Variants in KCNH5 observed in about 807,000 individuals in gnomAD.
KCNH5 encodes voltage-gated delayed rectifier potassium channel KCNH5.
Under a neutral mutation model 96.1 loss-of-function variants are expected in KCNH5, and 46 were observed. That is an observed-to-expected ratio of 0.48 (90% CI 0.38 to 0.61). The LOEUF (loss-of-function observed/expected upper bound fraction) is 0.61, where lower values mean the gene tolerates loss of function less well. Ranked by LOEUF, KCNH5 falls within the 20% of genes least tolerant of loss-of-function variation. The probability of loss-of-function intolerance (pLI) is 0.00; values close to 1 mark genes in which losing one functional copy is unlikely to be tolerated. For synonymous variants in KCNH5, 439 were observed against 449.8 expected (o/e 0.98, Z 0.30); for missense variants, 907 against 1,225.8 (o/e 0.74, Z 3.88).
chr14:62,712,703 A>G (rs1884597872), intron 10 of KCNH5: 7 of 779,102 alleles, frequency 9.0e-6, no homozygotes, highest in Non-Finnish European at 1.7e-5. Flanking sequence ...AGCGTTTGCC[A>G]TGGAGAACCA....
chr14:62,766,632 A>G (rs999995949), intron 10 of KCNH5, among the ~76,000 whole-genome samples: 2 of 152,148 alleles, frequency 1.3e-5, no homozygotes, highest in African/African-American at 4.8e-5. Flanking sequence ...AAAAATCAAA[A>G]TAATTGAACT....
chr14:62,771,512 C>G (rs1444121932), intron 10 of KCNH5, among the ~76,000 whole-genome samples: 1 of 152,058 alleles, frequency 6.6e-6, no homozygotes, highest in Non-Finnish European at 1.5e-5. Context: ...GTAGTCCCAG[C>G]TACTCGGGAG....
intron 3 of KCNH5, among the ~76,000 whole-genome samples, chr14:63,003,507 A>T (rs59253460): frequency 0.11 from 12,713 of 116,152 alleles, 922 homozygotes; most frequent in East Asian, 0.41. Flanking sequence ...TATATATTTT[A>T]TATATATTTT....
chr14:62,949,079 A>G (rs1889950125), intron 7 of KCNH5, among the ~76,000 whole-genome samples: 1 of 151,798 alleles, frequency 6.6e-6, no homozygotes, highest in Non-Finnish European at 1.5e-5. Flanking sequence ...AACTGGAAGC[A>G]TTCCCTTTGA....
chr14:62,805,097 A>T (rs1257430206), intron 8 of KCNH5, among the ~76,000 whole-genome samples: 1 of 152,156 alleles, frequency 6.6e-6, no homozygotes, highest in East Asian at 1.9e-4. Flanking sequence ...ATACATACAC[A>T]CATACACAAA....
chr14:62,849,600 A>C (rs1887764227), intron 8 of KCNH5, 53 bp downstream of exon 8: 2 of 1,451,182 alleles, frequency 1.4e-6, no homozygotes, highest in Admixed American at 1.7e-5. Context: ...AGCTTAATGC[A>C]TCTGAAGATC....
In KCNH5 at chr14:62,972,155, T is replaced by TA. The variant is rs202107350; in HGVS notation, c.942+8716dup. 8.9e-4 allele frequency among the ~76,000 whole-genome samples: 136 copies of TA among 152,058 alleles called. 1 individual carries two copies. In the East Asian group the frequency reaches 0.023, roughly 26 times the overall value. On this transcript the variant is annotated intron_variant, in intron 6 of 10. Coordinates refer to ENST00000322893, the MANE Select transcript of KCNH5 (RefSeq NM_139318.5). ...TAAAAAGAACTCTTAAAACAACAAT[T>TA]AAAAAAATGCACAAAAGATCTGAAC... is the stretch of plus-strand genomic sequence containing the variant.
chr14:62,793,273 T>C (rs1171936648), intron 9 of KCNH5, among the ~76,000 whole-genome samples: 1 of 151,786 alleles, frequency 6.6e-6, no homozygotes, highest in Non-Finnish European at 1.5e-5. Context: ...CTTCAAAATT[T>C]GTTAAGAGGG....
At chr14:62,709,101 C>A (rs533851673) in intron 10 of KCNH5, among the ~76,000 whole-genome samples, 3 of 151,174 alleles carry the variant, frequency 2.0e-5, no homozygotes, top group Admixed American at 2.0e-4. Flanking sequence ...GGCGCAGTGG[C>A]GGGCGCCTGT....
chr14:62,970,870 C>CA (rs142010258), intron 6 of KCNH5, among the ~76,000 whole-genome samples: 29,515 of 148,752 alleles, frequency 0.2, 3,201 homozygotes, highest in Non-Finnish European at 0.25. Context: ...GAACATCTAC[C>CA]AAAAAAAAGA....
At chr14:62,753,544 T>C (rs1191490233) in intron 10 of KCNH5, among the ~76,000 whole-genome samples, 1 of 152,056 alleles carries the variant, frequency 6.6e-6, no homozygotes, top group East Asian at 1.9e-4. Flanking sequence ...ATGCATTTAA[T>C]AATCAAACTC....
intron 1 of KCNH5, among the ~76,000 whole-genome samples, chr14:63,026,740 C>G (rs1209559152): frequency 6.6e-6 from 1 of 151,960 alleles, no homozygotes; most frequent in Non-Finnish European, 1.5e-5. Flanking sequence ...GGGAACTCTT[C>G]TACACTGCTG....
intron 2 of KCNH5, among the ~76,000 whole-genome samples, chr14:63,014,842 C>T (rs1891294996): frequency 6.6e-6 from 1 of 152,044 alleles, no homozygotes; most frequent in South Asian, 2.1e-4. Flanking sequence ...GGGATGTCAG[C>T]AGTCCAAGAA....
chr14:62,942,310 T>A (rs1394020209), intron 7 of KCNH5, among the ~76,000 whole-genome samples: 1 of 152,112 alleles, frequency 6.6e-6, no homozygotes, highest in Non-Finnish European at 1.5e-5. Flanking sequence ...AAAAAATAAA[T>A]AAAGCTCAGA....
intron 6 of KCNH5, among the ~76,000 whole-genome samples, chr14:62,979,866 C>A (rs1890572966): frequency 6.6e-6 from 1 of 152,124 alleles, no homozygotes; most frequent in Non-Finnish European, 1.5e-5. Flanking sequence ...AGAAGCAGAG[C>A]CTTACATGAG....
At chr14:62,937,927 G>C (rs896777754) in intron 7 of KCNH5, among the ~76,000 whole-genome samples, 9 of 152,114 alleles carry the variant, frequency 5.9e-5, no homozygotes, top group African/African-American at 1.9e-4. Flanking sequence ...CCTATGAAGG[G>C]ACCGTTTGGA....
intron 1 of KCNH5, among the ~76,000 whole-genome samples, chr14:63,023,741 A>C (rs562349912): frequency 4.5e-4 from 68 of 152,332 alleles, no homozygotes; most frequent in Non-Finnish European, 9.0e-4. Flanking sequence ...AGTAGGTCTT[A>C]ACAAATTTAA....
chr14:62,840,829 G>A (rs1400687665), intron 8 of KCNH5, among the ~76,000 whole-genome samples: 1 of 151,818 alleles, frequency 6.6e-6, no homozygotes, highest in African/African-American at 2.4e-5. Context: ...ACCTCCCCAG[G>A]TGCTAGGATT....
At chr14:62,846,789 CTTTTTTTTTTTTT>C (rs766919022) in intron 8 of KCNH5, among the ~76,000 whole-genome samples, 65 of 67,482 alleles carry the variant, frequency 9.6e-4, no homozygotes, top group African/African-American at 3.9e-3. Context: ...TGTATTGTAT[CTTTTTTTTTTTTT>C]TTTTTTTTTT....
Sources: allele counts gnomAD v4.1 joint callset (sites outside exome capture counted in the v4.1 genomes callset), GRCh38; gene constraint gnomAD v4.1.1; transcripts MANE v1.5; gene names NCBI Gene and HGNC (gene_info 2026-07-23, HGNC 2026-07-21).